The following VIPR1 variants were observed in gnomAD, a reference collection of about 807,000 sequenced individuals.
VIPR1 encodes the protein vasoactive intestinal peptide receptor 1.
VIPR1 carries 59 observed loss-of-function variants against 58.8 expected under a neutral mutation model. That is an observed-to-expected ratio of 1.00 (90% CI 0.81 to 1.25). The LOEUF is 1.25. VIPR1 is among the 50% of genes most tolerant of loss of function. The pLI is 0.00. For missense variants in VIPR1, 626 were observed against 602.7 expected, an observed-to-expected ratio of 1.04 and a Z score of -0.40; for synonymous variants, 251 against 242.1, an observed-to-expected ratio of 1.04 and a Z score of -0.34.
At chr3:42,501,963 C>G (rs1699883743), upstream of VIPR1, 1 of 152,286 alleles carries the variant, frequency 6.6e-6, no homozygotes. This position sits in a 1 kb window ranked among gnomAD's most constrained non-coding sequence, Gnocchi z 4.8. Context: ...CCAGGGCACC[C>G]AACAGGTGCT....
Position 42,531,529 on chromosome 3 carries a change from T to C in VIPR1, c.849T>C (p.Tyr283=), listed in dbSNP as rs1490329598. 5 of 1,595,898 alleles carry C rather than the reference T, an allele frequency of 3.1e-6. No individual in the cohort carries two copies. In the East Asian group the frequency reaches 9.1e-5, roughly 29 times the overall value. ...TCGCCAGGATCCATTTTGAGGATTA[T>C]GGGTGAGCTGCTGCCCCACACACTC... ...WTIARIHFED[Y]GCWDTINSSL... Residue 283 remains tyrosine, a splice_region_variant and synonymous_variant, in exon 8 of 13, where the codon TAT becomes TAC. Coordinates refer to ENST00000325123, the MANE Select transcript of VIPR1 (RefSeq NM_004624.4).
chr3:42,525,013 G>T (rs1170837391), intron 3 of VIPR1, among the ~76,000 whole-genome samples: 1 of 152,182 alleles, frequency 6.6e-6, no homozygotes, highest in African/African-American at 2.4e-5. Context: ...CAACAGTGAT[G>T]CTGCTGATGC....
intron 2 of VIPR1, 109 bp from the exon 3 acceptor site, chr3:42,519,114 T>G (rs1577226783): frequency 1.2e-6 from 1 of 863,750 alleles, no homozygotes; most frequent in Non-Finnish European, 1.7e-6. Flanking sequence ...CTCCTTGAGG[T>G]GGGAGCCTGG....
At chr3:42,513,377 A>G in intron 1 of VIPR1, 1 of 189,576 alleles carries the variant, frequency 5.3e-6, no homozygotes, top group Non-Finnish European at 1.1e-5. Context: ...CAGGGAGATC[A>G]AGACAGGGAC....
chr3:42,536,462 G>T lies in VIPR1; in HGVS notation c.*181G>T. On this transcript the variant is annotated 3_prime_UTR_variant, in exon 13 of 13. Coordinates refer to ENST00000325123, the MANE Select transcript of VIPR1 (RefSeq NM_004624.4). ...GAGAACGCAGCCCTAGAGCCTGCCT[G>T]GAGCGTTTCTAGCAAGTGAGAGAGA... is the stretch of plus-strand genomic sequence containing the variant. The T allele has an allele frequency of 1.7e-6, 1 of 576,544 alleles. No individual in the cohort carries two copies. Among genetic ancestry groups the T allele is most frequent in the East Asian group, 3.4e-5 (1 of 29,322 alleles). 35.7% of individuals were successfully genotyped at this position (576,544 alleles called of 1,614,324 possible). A position where few individuals can be genotyped will look rare whatever the true frequency, so the allele number is the denominator to read the frequency against.
chr3:42,534,888 G>C lies in VIPR1; in HGVS notation c.1011-87G>C. ...TTCCTGGTCATTGTCCCCATCTTCT[G>C]TGCCTCCAGCTGCCCCCATGCCACA... is the stretch of plus-strand genomic sequence containing the variant. On this transcript the variant is annotated intron_variant, in intron 10 of 12. Coordinates refer to ENST00000325123, the MANE Select transcript of VIPR1 (RefSeq NM_004624.4). The C allele has an allele frequency of 3.9e-6, 6 of 1,531,118 alleles. No homozygotes were observed. The South Asian group carries it at 7.5e-5, about 19-fold the overall frequency. The allele number at this position is 1,531,118 out of a possible 1,614,324, so 94.8% of individuals were successfully genotyped here.
Position 42,503,758 on chromosome 3 carries a change from C to T in VIPR1, c.78+945C>T, listed in dbSNP as rs554705784. Among the ~76,000 whole-genome samples, 3 of 152,276 alleles carry T rather than the reference C, an allele frequency of 2.0e-5. No individual in the cohort carries two copies. The South Asian group carries it at 6.2e-4, about 32-fold the overall frequency. On this transcript the variant is annotated intron_variant, in intron 1 of 12. Transcript: ENST00000325123. The stretch of plus-strand genomic sequence containing the variant: ...CACAAGAGCCACATCTGTCTCCCAC[C>T]AGTTAGACCTAGACAAAGGTTGATT...
chr3:42,500,380 C>G (rs1438588712), upstream of VIPR1: 3 of 152,268 alleles, frequency 2.0e-5, no homozygotes, highest in African/African-American at 7.2e-5. Flanking sequence ...GTCTGCCTCT[C>G]CAATCCTCAC....
At chr3:42,531,997 G>A (rs1167709570) in intron 9 of VIPR1, 128 bp downstream of exon 9, 2 of 1,098,950 alleles carry the variant, frequency 1.8e-6, no homozygotes, top group Non-Finnish European at 2.7e-6. Flanking sequence ...GCCCAATGCA[G>A]GATCATCCCC....
intron 4 of VIPR1, among the ~76,000 whole-genome samples, 199 bp downstream of exon 4, chr3:42,526,192 T>G (rs1325653909): frequency 2.0e-5 from 3 of 152,142 alleles, no homozygotes; most frequent in Admixed American, 6.5e-5. Context: ...GGGAGGAGGC[T>G]TTCCCACAGG....
chr3:42,522,099 ATATTTTTTTT>A (rs1464640031), intron 3 of VIPR1, among the ~76,000 whole-genome samples: 6 of 55,580 alleles, frequency 1.1e-4, no homozygotes, highest in African/African-American at 5.8e-4. Context: ...ATATATATAT[ATATTTTTTTT>A]TTTTTTTTTT....
chr3:42,491,145 A>G (rs1176188470), intron 1 of VIPR1, among the ~76,000 whole-genome samples: 1 of 152,256 alleles, frequency 6.6e-6, no homozygotes, highest in African/African-American at 2.4e-5. Flanking sequence ...GCCTGCAAGG[A>G]AAAGAGAAGC....
At chr3:42,524,499 G>A (rs574388467) in intron 3 of VIPR1, among the ~76,000 whole-genome samples, 56 of 152,262 alleles carry the variant, frequency 3.7e-4, no homozygotes, top group Middle Eastern at 3.4e-3. Context: ...CCCAGCCCAC[G>A]GCTGCTCTTT....
intron 1 of VIPR1, among the ~76,000 whole-genome samples, chr3:42,511,161 C>A (rs1361988013): frequency 2.0e-5 from 3 of 152,200 alleles, no homozygotes; most frequent in Non-Finnish European, 4.4e-5. Context: ...CATTCACAGA[C>A]CCAGACAATA....
chr3:42,526,819 A>T (rs1279993723), intron 4 of VIPR1, among the ~76,000 whole-genome samples: 2 of 152,146 alleles, frequency 1.3e-5, no homozygotes, highest in African/African-American at 2.4e-5. Flanking sequence ...GAGGGGACCA[A>T]GCGAGACACC....
chr3:42,516,722 T>C (rs1700647449), intron 2 of VIPR1: 1 of 152,112 alleles, frequency 6.6e-6, no homozygotes, highest in African/African-American at 2.4e-5. Flanking sequence ...AGCAGCAAAA[T>C]TCCCAGAGAA....
chr3:42,532,561 C>A, intron 10 of VIPR1: 1 of 597,532 alleles, frequency 1.7e-6, no homozygotes, highest in Non-Finnish European at 3.0e-6. Flanking sequence ...TGCCCACACT[C>A]ACCTAGCATC....
rs1448763932 is a variant in VIPR1 at position 42,537,474 on chromosome 3, C to CA, written c.*1194dup. 2.6e-5 allele frequency: 4 copies of CA among 152,294 alleles called. No individual in the cohort carries two copies. Among genetic ancestry groups the CA allele is most frequent in the Non-Finnish European group, 5.9e-5 (4 of 68,116 alleles). The allele number at this position is 152,294 out of a possible 1,614,324, so 9.4% of individuals were successfully genotyped here. A position where few individuals can be genotyped will look rare whatever the true frequency, so the allele number is the denominator to read the frequency against. On this transcript the variant is annotated 3_prime_UTR_variant, in exon 13 of 13. Transcript: ENST00000325123. The stretch of plus-strand genomic sequence containing the variant: ...GTCACAGCCTCCTCTGTCTGCCCTT[C>CA]ACCCCAGTGGCCACTCAGCTTCCTA...
Position 42,504,704 on chromosome 3 carries a change from A to G in VIPR1, c.78+1891A>G, listed in dbSNP as rs907281363. Among the ~76,000 whole-genome samples, 12 of 129,138 alleles carry G rather than the reference A, an allele frequency of 9.3e-5. No individual in the cohort carries two copies. The South Asian group carries it at 1.6e-3, about 17-fold the overall frequency. 84.7% of individuals were successfully genotyped at this position (129,138 alleles called of 152,430 possible). On this transcript the variant is annotated intron_variant, in intron 1 of 12. Transcript: ENST00000325123. ...TCTCCCTCCTCCCCACCAGCTACCAATCGCTCCCTCATGGAATGGGGCAAA... is the reference window on the plus strand; with the variant it reads ...TCTCCCTCCTCCCCACCAGCTACCAGTCGCTCCCTCATGGAATGGGGCAAA...
Sources: allele counts gnomAD v4.1 joint callset (sites outside exome capture counted in the v4.1 genomes callset), GRCh38; gene constraint gnomAD v4.1.1; non-coding constraint Gnocchi (gnomAD v3.1); transcripts MANE v1.5; gene names NCBI Gene and HGNC (gene_info 2026-07-23, HGNC 2026-07-21).